The following NUDCD1 variants were observed in gnomAD, a reference collection of about 807,000 sequenced individuals.
The protein encoded by NUDCD1 is NudC domain containing 1, also known as nudC domain-containing protein 1.
Under a neutral mutation model 67.8 loss-of-function variants are expected in NUDCD1, and 60 were observed. The ratio of observed to expected loss-of-function variants is 0.88; its 90% CI spans 0.72 to 1.10. NUDCD1 has a LOEUF of 1.10. Ranked by LOEUF, NUDCD1 falls within the 50% of genes least tolerant of loss-of-function variation. The pLI is 0.00. For synonymous variants in NUDCD1, 244 were observed against 230.8 expected (o/e 1.06, Z -0.52); for missense variants, 643 against 695.0 (o/e 0.93, Z 0.84).
At chr8:109,327,676 T>C (rs1201974552) in intron 1 of NUDCD1, among the ~76,000 whole-genome samples, 3 of 152,228 alleles carry the variant, frequency 2.0e-5, no homozygotes, top group Non-Finnish European at 2.9e-5. Context: ...TTGATTTCCC[T>C]GTTCCTTTTC....
chr8:109,290,661 G>T (rs1814692159), intron 4 of NUDCD1, among the ~76,000 whole-genome samples: 1 of 151,928 alleles, frequency 6.6e-6, no homozygotes, highest in South Asian at 2.1e-4. Context: ...TATTCCAAAA[G>T]TTTCTGACAA....
Position 109,333,913 on chromosome 8 carries a change from T to TA in NUDCD1, c.97dup (p.Tyr33LeufsTer6). ...CCCACCTGCGTCAAGCTCCAGCTGG[T>TA]AACAAGGCAGCGGCTCAAGAGAGAG... On this transcript the variant is annotated frameshift_variant, in exon 1 of 10. Transcript: ENST00000239690. LOFTEE classifies it high-confidence loss of function. The TA allele has an allele frequency of 1.2e-6, 2 of 1,614,060 alleles. No individual in the cohort carries two copies. Among genetic ancestry groups the TA allele is most frequent in the Non-Finnish European group, 1.7e-6 (2 of 1,179,968 alleles).
intron 2 of NUDCD1, among the ~76,000 whole-genome samples, chr8:109,318,179 C>T (rs550379400): frequency 4.7e-4 from 71 of 152,216 alleles, no homozygotes; most frequent in African/African-American, 1.7e-3. Flanking sequence ...TCCCTAACAA[C>T]ACGTATTAGA....
intron 8 of NUDCD1, among the ~76,000 whole-genome samples, chr8:109,264,545 A>G (rs1201711856): frequency 6.6e-6 from 1 of 152,190 alleles, no homozygotes; most frequent in Non-Finnish European, 1.5e-5. Flanking sequence ...ACATCCATTC[A>G]AAGTGTCTCA....
intron 8 of NUDCD1, among the ~76,000 whole-genome samples, chr8:109,252,119 T>A (rs189586572): frequency 6.6e-6 from 1 of 152,248 alleles, no homozygotes; most frequent in East Asian, 1.9e-4. Context: ...TCTCTAGTGG[T>A]AGGCTGTGGT....
intron 9 of NUDCD1, 68 bp downstream of exon 9, chr8:109,245,254 A>G: frequency 6.9e-7 from 1 of 1,449,960 alleles, no homozygotes; most frequent in Non-Finnish European, 9.4e-7. Context: ...AAAAAAAGAA[A>G]TGAACTTTAA....
At chr8:109,304,573 A>G (rs1815061111) in intron 2 of NUDCD1, among the ~76,000 whole-genome samples, 1 of 152,152 alleles carries the variant, frequency 6.6e-6, no homozygotes, top group African/African-American at 2.4e-5. Flanking sequence ...CAATATTTAA[A>G]GACTCGAAAT....
chr8:109,251,196 G>A (rs1813616152), intron 8 of NUDCD1, among the ~76,000 whole-genome samples: 1 of 136,590 alleles, frequency 7.3e-6, no homozygotes, highest in South Asian at 2.3e-4. Context: ...TTTTTTTGGA[G>A]AGAGTCTCGC....
intron 3 of NUDCD1, among the ~76,000 whole-genome samples, chr8:109,294,880 A>G (rs1392263107): frequency 6.6e-6 from 1 of 151,874 alleles, no homozygotes; most frequent in Non-Finnish European, 1.5e-5. Context: ...CTGTTATATT[A>G]ATTACCCTAA....
intron 8 of NUDCD1, among the ~76,000 whole-genome samples, chr8:109,260,842 T>G (rs1813849544): frequency 6.6e-6 from 1 of 152,228 alleles, no homozygotes; most frequent in Non-Finnish European, 1.5e-5. Flanking sequence ...CTATAATTAT[T>G]GTTATAAATA....
At chr8:109,245,564 A>G in intron 8 of NUDCD1, 83 bp from the exon 9 acceptor site, 1 of 1,037,204 alleles carries the variant, frequency 9.6e-7, no homozygotes, top group Non-Finnish European at 1.4e-6. Flanking sequence ...GACAGCCAGC[A>G]TTAAGTGTCA....
At chr8:109,272,322 T>C (rs1279803271) in intron 7 of NUDCD1, among the ~76,000 whole-genome samples, 6 of 151,684 alleles carry the variant, frequency 4.0e-5, no homozygotes, top group African/African-American at 1.5e-4. Context: ...TTTTTAAAGA[T>C]AGTTGGTGAT....
At chr8:109,253,572 T>C (rs959524475) in intron 8 of NUDCD1, among the ~76,000 whole-genome samples, 1 of 152,198 alleles carries the variant, frequency 6.6e-6, no homozygotes, top group Non-Finnish European at 1.5e-5. Flanking sequence ...AGGCTCCATA[T>C]ATGCTCACAT....
chr8:109,280,892 T>C, intron 6 of NUDCD1, 76 bp downstream of exon 6: 2 of 661,146 alleles, frequency 3.0e-6, no homozygotes. Flanking sequence ...TAATCTCTGA[T>C]GTAACCACTG....
At chr8:109,311,565 A>ATATATATATG (rs1815252618) in intron 2 of NUDCD1, among the ~76,000 whole-genome samples, 1 of 138,232 alleles carries the variant, frequency 7.2e-6, no homozygotes, top group Non-Finnish European at 1.5e-5. Flanking sequence ...TGGTGTATAT[A>ATATATATATG]TATATATGAT....
chr8:109,311,930 C>A (rs1257663400), intron 2 of NUDCD1, among the ~76,000 whole-genome samples: 1 of 151,632 alleles, frequency 6.6e-6, no homozygotes, highest in Admixed American at 6.6e-5. Context: ...TCCCCAATAA[C>A]CTAGGGAAAT....
chr8:109,281,592 GA>G (rs772515676), intron 5 of NUDCD1, among the ~76,000 whole-genome samples: 21 of 152,088 alleles, frequency 1.4e-4, no homozygotes, highest in Non-Finnish European at 2.8e-4. Flanking sequence ...TATCTCAATG[GA>G]TAGCTTCTGC....
At chr8:109,248,436 T>C (rs1813549602) in intron 8 of NUDCD1, among the ~76,000 whole-genome samples, 1 of 152,074 alleles carries the variant, frequency 6.6e-6, no homozygotes, top group Non-Finnish European at 1.5e-5. Context: ...TGTAAAGAAA[T>C]TTTTTTAAAT....
At chr8:109,256,690 T>C (rs1307177619) in intron 8 of NUDCD1, among the ~76,000 whole-genome samples, 1 of 152,058 alleles carries the variant, frequency 6.6e-6, no homozygotes, top group African/African-American at 2.4e-5. Context: ...AGAAACCTGC[T>C]AGACATCACA....
Sources: gnomAD v4.1 joint callset for allele counts (sites outside exome capture counted in the v4.1 genomes callset) on GRCh38, gnomAD v4.1.1 for gene constraint, MANE v1.5 for transcripts, NCBI Gene and HGNC (gene_info 2026-07-23, HGNC 2026-07-21) for gene names.